GABRB1: variants seen among roughly 807,000 people sequenced by gnomAD.
GABRB1 encodes gamma-aminobutyric acid type A receptor subunit beta1, also known as gamma-aminobutyric acid receptor subunit beta-1.
In GABRB1, 17 loss-of-function variants were observed where a neutral mutation model predicts 51.6. The ratio of observed to expected loss-of-function variants is 0.33; its 90% confidence interval spans 0.23 to 0.49. The LOEUF is 0.49. Ranked by LOEUF, GABRB1 falls within the 20% of genes least tolerant of loss-of-function variation. GABRB1 has a pLI of 0.99. For missense variants in GABRB1, 410 were observed against 600.6 expected (o/e 0.68, Z 3.32); for synonymous variants, 247 against 218.9 (o/e 1.13, Z -1.14).
At chr4:47,117,237 G>T (rs1715533409) in intron 3 of GABRB1, among the ~76,000 whole-genome samples, 1 of 152,116 alleles carries the variant, frequency 6.6e-6, no homozygotes, top group South Asian at 2.1e-4. Flanking sequence ...AAAAATAGTT[G>T]AATTATAGGG....
chr4:47,275,305 C>T (rs1481668091), intron 4 of GABRB1, among the ~76,000 whole-genome samples: 2 of 152,060 alleles, frequency 1.3e-5, no homozygotes, highest in Non-Finnish European at 2.9e-5. Context: ...ATTCTGGGGG[C>T]AGGGAGGAGA....
intron 5 of GABRB1, among the ~76,000 whole-genome samples, chr4:47,390,406 A>G (rs1240352467): frequency 6.6e-6 from 1 of 152,250 alleles, no homozygotes; most frequent in Non-Finnish European, 1.5e-5. Context: ...CCATCCCCCT[A>G]GCTCTATTAA....
intron 3 of GABRB1, among the ~76,000 whole-genome samples, chr4:47,123,906 A>C (rs1411191722): frequency 1.8e-5 from 1 of 56,126 alleles, no homozygotes; most frequent in Non-Finnish European, 4.3e-5. Context: ...ATAATATATT[A>C]TATATTAATA....
chr4:47,270,999 A>G (rs1288074420), intron 4 of GABRB1, among the ~76,000 whole-genome samples: 1 of 152,212 alleles, frequency 6.6e-6, no homozygotes, highest in Non-Finnish European at 1.5e-5. Context: ...TTCTATGCAA[A>G]GAATTTATAA....
At chr4:47,260,624 T>C (rs977825721) in intron 4 of GABRB1, among the ~76,000 whole-genome samples, 1 of 152,192 alleles carries the variant, frequency 6.6e-6, no homozygotes. Flanking sequence ...GGGTTGAAAA[T>C]TCTTTTCTTT....
At chr4:47,079,695 G>T (rs1451243179) in intron 3 of GABRB1, among the ~76,000 whole-genome samples, 1 of 151,930 alleles carries the variant, frequency 6.6e-6, no homozygotes, top group Non-Finnish European at 1.5e-5. Flanking sequence ...CATGTCCTTT[G>T]TAGGGACATG....
chr4:47,412,661 A>G (rs748656930), intron 8 of GABRB1, among the ~76,000 whole-genome samples: 2 of 152,180 alleles, frequency 1.3e-5, no homozygotes, highest in Non-Finnish European at 2.9e-5. Context: ...ATGCGGTCAC[A>G]TAAGGAGTGA....
chr4:47,186,361 TC>T lies in GABRB1; in HGVS notation c.461+24893del, dbSNP rs560859919. On this transcript the variant is annotated intron_variant, in intron 4 of 8. Coordinates refer to ENST00000295454, the MANE Select transcript of GABRB1 (RefSeq NM_000812.4). ...TAAGTATCAGAACATGGACCTAAAA[TC>T]ACAATAACATCCCTATTTGTAATTT... Among the ~76,000 whole-genome samples the T allele has an allele frequency of 3.3e-5, 5 of 151,858 alleles. No homozygotes were observed. In the South Asian group the frequency reaches 1.0e-3, roughly 31 times the overall value.
At chr4:47,407,844 A>T (rs567804213) in intron 8 of GABRB1, among the ~76,000 whole-genome samples, 11 of 152,368 alleles carry the variant, frequency 7.2e-5, no homozygotes, top group African/African-American at 2.4e-4. Context: ...CATGTCCGTA[A>T]TCCCAGCACT....
Position 47,423,931 on chromosome 4 carries a change from A to T in GABRB1, c.1081-1743A>T, listed in dbSNP as rs534183833. On this transcript the variant is annotated intron_variant, in intron 8 of 8. Transcript: ENST00000295454. Reference sequence around the variant, plus strand: ...ATAAATTACATAGTAGAATTCAATAAATTGTAGTTATTAACAACAACAACA... The same window carrying T: ...ATAAATTACATAGTAGAATTCAATATATTGTAGTTATTAACAACAACAACA... Among the ~76,000 whole-genome samples, 5 of 152,310 alleles carry T rather than the reference A, an allele frequency of 3.3e-5. No individual in the cohort carries two copies. In the East Asian group the frequency reaches 9.6e-4, roughly 29 times the overall value.
In GABRB1 at chr4:47,319,984, A is replaced by G. The variant is rs116044024; in HGVS notation, c.462-143A>G. 2,557 of 677,652 alleles carry G rather than the reference A, an allele frequency of 3.8e-3. 13 individuals carry two copies. The highest frequency in any genetic ancestry group is 0.018 in the Middle Eastern group (50 of 2,728). 42.0% of individuals were successfully genotyped at this position (677,652 alleles called of 1,614,324 possible). ...TTATCCAATTTGTTGACGTATAATT[A>G]TTCATAATAGTTTCTTAAAATCTCA... On this transcript the variant is annotated intron_variant, in intron 4 of 8. Coordinates refer to ENST00000295454, the MANE Select transcript of GABRB1 (RefSeq NM_000812.4).
intron 3 of GABRB1, among the ~76,000 whole-genome samples, chr4:47,049,563 G>A (rs1726252683): frequency 6.6e-6 from 1 of 152,134 alleles, no homozygotes; most frequent in Non-Finnish European, 1.5e-5. Context: ...ATTATGAAAT[G>A]CAAATGGCAT....
At chr4:47,253,030 A>G (rs1446457569) in intron 4 of GABRB1, among the ~76,000 whole-genome samples, 1 of 152,214 alleles carries the variant, frequency 6.6e-6, no homozygotes, top group Non-Finnish European at 1.5e-5. Context: ...CTTAGGAAGA[A>G]GAAATGATCA....
chr4:47,379,054 G>A (rs976555163), intron 5 of GABRB1, among the ~76,000 whole-genome samples: 1 of 152,160 alleles, frequency 6.6e-6, no homozygotes, highest in South Asian at 2.1e-4. Flanking sequence ...AATGCAATGT[G>A]AGATGTGGAT....
chr4:47,275,002 A>G (rs1185861322), intron 4 of GABRB1, among the ~76,000 whole-genome samples: 1 of 152,200 alleles, frequency 6.6e-6, no homozygotes, highest in East Asian at 1.9e-4. Context: ...TCCTTGAAAT[A>G]AAGCCTTTGC....
chr4:47,069,854 T>C (rs1473487892), intron 3 of GABRB1, among the ~76,000 whole-genome samples: 1 of 152,160 alleles, frequency 6.6e-6, no homozygotes, highest in African/African-American at 2.4e-5. Flanking sequence ...CTCCAATTTC[T>C]TTCCATGCAT....
At chr4:47,044,329 G>T (rs1022272137) in intron 3 of GABRB1, among the ~76,000 whole-genome samples, 7 of 152,010 alleles carry the variant, frequency 4.6e-5, no homozygotes, top group Non-Finnish European at 1.0e-4. Flanking sequence ...AGACACTCTT[G>T]ATCTGGAGTG....
chr4:47,347,861 A>C (rs1726161144), intron 5 of GABRB1, among the ~76,000 whole-genome samples: 1 of 152,236 alleles, frequency 6.6e-6, no homozygotes, highest in African/African-American at 2.4e-5. Context: ...TGTTACAGAC[A>C]ACAGGGTAAA....
chr4:47,421,261 A>G (rs1222254071), intron 8 of GABRB1, among the ~76,000 whole-genome samples: 1 of 152,130 alleles, frequency 6.6e-6, no homozygotes, highest in Admixed American at 6.6e-5. Flanking sequence ...TTTTAGGCAC[A>G]TTTAAATCTG....
Sources: allele counts gnomAD v4.1 joint callset (sites outside exome capture counted in the v4.1 genomes callset), GRCh38; gene constraint gnomAD v4.1.1; transcripts MANE v1.5; gene names NCBI Gene and HGNC (gene_info 2026-07-23, HGNC 2026-07-21).